The following PHKB variants were observed in gnomAD, a reference collection of about 807,000 sequenced individuals.
PHKB encodes the protein phosphorylase kinase regulatory subunit beta, also known as phosphorylase b kinase regulatory subunit beta.
A neutral mutation model predicts 152.1 loss-of-function variants in PHKB; 122 were observed. The ratio of observed to expected loss-of-function variants is 0.80; its 90% CI spans 0.69 to 0.93. The LOEUF (loss-of-function observed/expected upper bound fraction) is 0.93, where lower values mean the gene tolerates loss of function less well. Ranked by LOEUF, PHKB falls within the 40% of genes least tolerant of loss-of-function variation. PHKB has a pLI of 0.00. For missense variants in PHKB, 1,304 were observed against 1,328.4 expected (o/e 0.98, Z 0.29); for synonymous variants, 436 against 464.9 (o/e 0.94, Z 0.80).
At chr16:47,673,667 A>G (rs1973675291) in intron 26 of PHKB, among the ~76,000 whole-genome samples, 1 of 152,172 alleles carries the variant, frequency 6.6e-6, no homozygotes, top group South Asian at 2.1e-4. Flanking sequence ...AGTTTAAATA[A>G]CGTGATCATT....
intron 5 of PHKB, among the ~76,000 whole-genome samples, chr16:47,514,561 G>A (rs1330787902): frequency 6.6e-6 from 1 of 152,194 alleles, no homozygotes; most frequent in Non-Finnish European, 1.5e-5. Flanking sequence ...AGTCAATTGG[G>A]TGGCACCTGC....
intron 10 of PHKB, chr16:47,590,168 A>C (rs575239801): frequency 6.6e-6 from 1 of 152,348 alleles, no homozygotes; most frequent in East Asian, 1.9e-4. Flanking sequence ...TGTATGTAGA[A>C]AATATGTAGG....
At chr16:47,568,989 C>G (rs1405108725) in intron 7 of PHKB, among the ~76,000 whole-genome samples, 2 of 151,902 alleles carry the variant, frequency 1.3e-5, no homozygotes, top group East Asian at 3.9e-4. Context: ...GAATGTATAC[C>G]CTGCAGTTTT....
At chr16:47,560,503 T>C (rs1028546822) in intron 7 of PHKB, among the ~76,000 whole-genome samples, 3 of 152,236 alleles carry the variant, frequency 2.0e-5, no homozygotes, top group African/African-American at 7.2e-5. Flanking sequence ...ACTCACACTT[T>C]TCAATTTCAA....
intron 6 of PHKB, among the ~76,000 whole-genome samples, chr16:47,537,901 T>TCC (rs1970980936): frequency 6.7e-6 from 1 of 150,092 alleles, no homozygotes; most frequent in Non-Finnish European, 1.5e-5. Flanking sequence ...TCTCTCTCTC[T>TCC]CTTTTTAAGT....
intron 25 of PHKB, among the ~76,000 whole-genome samples, chr16:47,667,531 C>T (rs1335407700): frequency 6.6e-6 from 1 of 151,974 alleles, no homozygotes; most frequent in East Asian, 1.9e-4. Flanking sequence ...AATTTTTATC[C>T]CTGTTTGTTG....
intron 7 of PHKB, among the ~76,000 whole-genome samples, chr16:47,549,943 T>A (rs1186404802): frequency 1.3e-5 from 2 of 152,200 alleles, no homozygotes; most frequent in Admixed American, 1.3e-4. Flanking sequence ...CTTTTTGTAG[T>A]AGGCCGATTT....
At chr16:47,594,288 C>A in intron 12 of PHKB, 74 bp downstream of exon 12, 1 of 781,548 alleles carries the variant, frequency 1.3e-6, no homozygotes, top group Non-Finnish European at 2.3e-6. Flanking sequence ...TAAGTGAGTC[C>A]TTTGTAAAAA....
At chr16:47,564,562 CTG>C (rs1367624761) in intron 7 of PHKB, among the ~76,000 whole-genome samples, 1 of 150,284 alleles carries the variant, frequency 6.7e-6, no homozygotes, top group East Asian at 2.0e-4. Flanking sequence ...CTTATGGACT[CTG>C]TAGATACCCT....
At chr16:47,512,991 A>G (rs1217996336) in intron 5 of PHKB, among the ~76,000 whole-genome samples, 1 of 152,246 alleles carries the variant, frequency 6.6e-6, no homozygotes, top group African/African-American at 2.4e-5. Flanking sequence ...TTGGAGAGTT[A>G]GTGTTACATG....
At position 47,641,669 on chromosome 16, in the gene PHKB, T is replaced by C. The variant is rs767596341; in HGVS notation, c.1585T>C (p.Trp529Arg). The C allele has an allele frequency of 2.5e-6, 4 of 1,595,390 alleles. No homozygotes were observed. Among genetic ancestry groups the C allele is most frequent in the South Asian group, 2.2e-5 (2 of 90,736 alleles). The change falls in exon 16 of 31, where the codon TGG becomes CGG. Residue 529 changes from tryptophan (W) to arginine (R), a missense_variant. Transcript: ENST00000323584. ...TPQQVEPIQI[W>R]PQQELVKAYL... is the part of the protein sequence containing the mutation. ...TCAACAAGTAGAACCCATTCAGATA[T>C]GGCCTCAGCAGGAGCTTGTGAAAGT...
chr16:47,578,842 G>A (rs1424997062), intron 7 of PHKB, among the ~76,000 whole-genome samples: 2 of 152,118 alleles, frequency 1.3e-5, no homozygotes, highest in Non-Finnish European at 2.9e-5. Context: ...GATGGGGGTA[G>A]GGTAAAGTTT....
chr16:47,655,031 A>G (rs1396672462), intron 20 of PHKB, among the ~76,000 whole-genome samples: 1 of 152,176 alleles, frequency 6.6e-6, no homozygotes, highest in Non-Finnish European at 1.5e-5. Flanking sequence ...AGTACATTTA[A>G]AAAGAATCAA....
chr16:47,639,854 G>A (rs1271489492), intron 14 of PHKB, among the ~76,000 whole-genome samples: 1 of 152,054 alleles, frequency 6.6e-6, no homozygotes, highest in East Asian at 1.9e-4. Context: ...TCATCCAAGA[G>A]AAATAGGGCT....
intron 26 of PHKB, among the ~76,000 whole-genome samples, chr16:47,685,375 A>G (rs940356764): frequency 6.6e-6 from 1 of 152,160 alleles, no homozygotes; most frequent in Non-Finnish European, 1.5e-5. Context: ...CGGTGAGCCA[A>G]GATCACGCCA....
chr16:47,580,649 G>T (rs1041454155), intron 8 of PHKB, among the ~76,000 whole-genome samples: 2 of 146,098 alleles, frequency 1.4e-5, no homozygotes, highest in Admixed American at 6.9e-5. Flanking sequence ...TACTCATTTT[G>T]TAGAAGGTTT....
chr16:47,676,609 G>A lies in PHKB; in HGVS notation c.2630+7192G>A, dbSNP rs144923284. On this transcript the variant is annotated intron_variant, in intron 26 of 30. Transcript: ENST00000323584. ...ATTTGCATTACCCACTACTTCAATT[G>A]CTTTTAAGCCAATAGCACCATGTTT... 4.5e-4 allele frequency among the ~76,000 whole-genome samples: 69 copies of A among 152,054 alleles called. 1 individual carries two copies. The East Asian group carries it at 0.011, about 25-fold the overall frequency.
At chr16:47,670,618 T>A (rs1246966167) in intron 26 of PHKB, among the ~76,000 whole-genome samples, 1 of 152,102 alleles carries the variant, frequency 6.6e-6, no homozygotes, top group Non-Finnish European at 1.5e-5. Context: ...GACTCCCAAG[T>A]GGCTGGGATT....
intron 18 of PHKB, 68 bp from the exon 19 acceptor site, chr16:47,650,476 C>T: frequency 6.4e-6 from 6 of 933,456 alleles, no homozygotes; most frequent in Non-Finnish European, 1.1e-5. Flanking sequence ...CTCTTTGGCA[C>T]TCATGGTTGA....
Sources: allele counts gnomAD v4.1 joint callset (sites outside exome capture counted in the v4.1 genomes callset), GRCh38; gene constraint gnomAD v4.1.1; transcripts MANE v1.5; gene names NCBI Gene and HGNC (gene_info 2026-07-23, HGNC 2026-07-21).